ARRDC1: variants seen among roughly 807,000 people sequenced by gnomAD.
ARRDC1 encodes arrestin domain containing 1.
ARRDC1 carries 37 observed loss-of-function variants against 40.1 expected under a neutral mutation model. That is an observed-to-expected ratio of 0.92 (90% CI 0.71 to 1.21). The LOEUF is 1.21. Ranked by LOEUF, ARRDC1 falls within the 50% of genes most tolerant of loss-of-function variation. The pLI is 0.00. For missense variants in ARRDC1, 641 were observed against 581.9 expected, an observed-to-expected ratio of 1.10 and a Z score of -1.04; for synonymous variants, 310 against 262.5, an observed-to-expected ratio of 1.18 and a Z score of -1.75.
At chr9:137,610,104 C>T (rs1564499842) in intron 1 of ARRDC1, among the ~76,000 whole-genome samples, 1 of 152,146 alleles carries the variant, frequency 6.6e-6, no homozygotes, top group Non-Finnish European at 1.5e-5. Flanking sequence ...TGAGCCACTG[C>T]GCCCGGCCGG....
chr9:137,614,252 G>A lies in ARRDC1; in HGVS notation c.618+38G>A. ...GCCAGTTGCCTGGACCGGCCTCCTG[G>A]GGTGGGCTGGCAGCCTGCGCAGGCT... On this transcript the variant is annotated intron_variant, in intron 5 of 7. Coordinates refer to ENST00000371421, the MANE Select transcript of ARRDC1 (RefSeq NM_152285.4). 2 of 1,577,942 alleles carry A rather than the reference G, an allele frequency of 1.3e-6. No individual in the cohort carries two copies. Among genetic ancestry groups the A allele is most frequent in the Non-Finnish European group, 1.7e-6 (2 of 1,159,150 alleles).
At position 137,614,161 on chromosome 9, in the gene ARRDC1, G is replaced by A. The variant is rs368553334; in HGVS notation, c.565G>A (p.Val189Ile). 37 of 1,612,158 alleles carry A rather than the reference G, an allele frequency of 2.3e-5. 1 individual carries two copies. The highest frequency in any genetic ancestry group is 5.3e-5 in the African/African-American group (4 of 75,034). The change falls in exon 5 of 8, where the codon GTT (valine) becomes ATT (isoleucine). Residue 189 changes from valine to isoleucine, a missense_variant. Physicochemically the swap from Val to Ile is conservative, Grantham distance 29 (BLOSUM62 3). Transcript: ENST00000371421. ...GCAGGCACTGCAGCTGCATGCCGAC[G>A]TTGAGAACCAGTCAGGCAAGGACAC... Reference protein sequence around the residue: ...VGQALQLHADVENQSGKDTSP... With the variant: ...VGQALQLHADIENQSGKDTSP...
chr9:137,615,189 C>T lies in ARRDC1; in HGVS notation c.*51C>T, dbSNP rs372157985. The stretch of plus-strand genomic sequence containing the variant: ...CCTGGCCTCTGCCCTGGGACTGGGG[C>T]GCCCAGGGCCTCGTGCCTTCTCTCT... On this transcript the variant is annotated 3_prime_UTR_variant, in exon 8 of 8. Transcript: ENST00000371421. 12 of 1,455,190 alleles carry T rather than the reference C, an allele frequency of 8.2e-6. No individual in the cohort carries two copies. In the African/African-American group the frequency reaches 1.0e-4, roughly 12 times the overall value. 90.1% of individuals were successfully genotyped at this position (1,455,190 alleles called of 1,614,324 possible). A position where few individuals can be genotyped will look rare whatever the true frequency, so the allele number is the denominator to read the frequency against.
At position 137,613,454 on chromosome 9, in the gene ARRDC1, C is replaced by T. The variant is rs367605215; in HGVS notation, c.230-6C>T. ...ACTGCCCCCCACCTCCCTCCTGTCT[C>T]TGCAGGGAGCCTGCCCGCTGGAGAG... On this transcript the variant is annotated splice_polypyrimidine_tract_variant and splice_region_variant and intron_variant, in intron 2 of 7. Transcript: ENST00000371421. 6.2e-7 allele frequency: 1 copy of T among 1,611,000 alleles called. No individual in the cohort carries two copies. Among genetic ancestry groups the T allele is most frequent in the Non-Finnish European group, 8.5e-7 (1 of 1,179,632 alleles).
intron 1 of ARRDC1, among the ~76,000 whole-genome samples, chr9:137,607,699 G>A (rs2501564): frequency 0.013 from 1,955 of 152,310 alleles, 41 homozygotes; most frequent in African/African-American, 0.045. Flanking sequence ...ATACAGATTT[G>A]GAAACAGGAC....
In ARRDC1 at chr9:137,614,222, C is replaced by T. The variant is rs747209222; in HGVS notation, c.618+8C>T. ...GTGGCCAGTCTGCTGCAGGTCAGAG[C>T]CCCCGCCAGTTGCCTGGACCGGCCT... On this transcript the variant is annotated splice_region_variant and intron_variant, in intron 5 of 7. Coordinates refer to ENST00000371421, the MANE Select transcript of ARRDC1 (RefSeq NM_152285.4). 5.7e-6 allele frequency: 9 copies of T among 1,584,614 alleles called. No homozygotes were observed. Among genetic ancestry groups the T allele is most frequent in the Admixed American group, 1.7e-5 (1 of 58,338 alleles).
rs1588991806 is a variant in ARRDC1 at position 137,614,310 on chromosome 9, T to G, written c.630T>G (p.Tyr210Ter). Reference sequence around the variant, plus strand: ...TGGTCCTTCCCCAGAAAGTGTCCTATAAGGCCAAGCGCTGGATCCACGACG... The same window carrying G: ...TGGTCCTTCCCCAGAAAGTGTCCTAGAAGGCCAAGCGCTGGATCCACGACG... ...VVASLLQKVS[Y>*]KAKRWIHDVR... The change falls in exon 6 of 8, where the codon TAT becomes TAG. Residue 210 changes from tyrosine (Y) to a stop codon, truncating the protein, a stop_gained. Transcript: ENST00000371421. LOFTEE classifies it high-confidence loss of function. The G allele has an allele frequency of 6.3e-7, 1 of 1,599,554 alleles. No homozygotes were observed. Among genetic ancestry groups the G allele is most frequent in the East Asian group, 2.2e-5 (1 of 44,720 alleles).
chr9:137,608,315 G>A (rs1369524773), intron 1 of ARRDC1, among the ~76,000 whole-genome samples: 1 of 152,232 alleles, frequency 6.6e-6, no homozygotes, highest in East Asian at 1.9e-4. Context: ...GGGGGAGGAG[G>A]GACAGGGCTT....
chr9:137,605,763 G>C lies in ARRDC1; in HGVS notation c.46G>C (p.Val16Leu), dbSNP rs200306122. ...LFEISLSHGR[V>L]VYSPGEPLAG... ...CGAGATCAGCCTGAGCCACGGCCGC[G>C]TCGTCTACAGCCCCGGGGAGCCGTT... The change falls in exon 1 of 8, where the codon GTC becomes CTC. Residue 16 changes from valine to leucine, a missense_variant. By Grantham distance (32) the Val-to-Leu change is conservative. Coordinates refer to ENST00000371421, the MANE Select transcript of ARRDC1 (RefSeq NM_152285.4). 19 of 1,368,440 alleles carry C rather than the reference G, an allele frequency of 1.4e-5. No homozygotes were observed. The highest frequency in any genetic ancestry group is 1.8e-5 in the Non-Finnish European group (19 of 1,057,690). 84.8% of individuals were successfully genotyped at this position (1,368,440 alleles called of 1,614,324 possible). A position where few individuals can be genotyped will look rare whatever the true frequency, so the allele number is the denominator to read the frequency against.
rs769971358 is a variant in ARRDC1 at position 137,613,187 on chromosome 9, C to A, written c.229+181C>A. ...AGGCGCTGGGTGGCTGAAGGGGCCA[C>A]CTCCCCCTTGTGCTGGATTTGGGTG... On this transcript the variant is annotated intron_variant, in intron 2 of 7. Coordinates refer to ENST00000371421, the MANE Select transcript of ARRDC1 (RefSeq NM_152285.4). The A allele has an allele frequency of 1.5e-5, 11 of 746,418 alleles. No individual in the cohort carries two copies. The South Asian group carries it at 1.5e-4, about 10-fold the overall frequency. 46.2% of individuals were successfully genotyped at this position (746,418 alleles called of 1,614,324 possible).
chr9:137,609,818 G>A (rs935883746), intron 1 of ARRDC1, among the ~76,000 whole-genome samples: 5 of 152,272 alleles, frequency 3.3e-5, no homozygotes, highest in Middle Eastern at 3.4e-3. Flanking sequence ...GAGCCACTGC[G>A]CCCAGCTGTG....
At chr9:137,612,577 TG>T (rs1332727456) in intron 1 of ARRDC1, 1 of 319,692 alleles carries the variant, frequency 3.1e-6, no homozygotes, top group Non-Finnish European at 5.9e-6. Flanking sequence ...TTCGCAGGTC[TG>T]GCTGGGAGCC....
Position 137,614,229 on chromosome 9 carries a change from C to G in ARRDC1, c.618+15C>G. The G allele has an allele frequency of 6.3e-7, 1 of 1,582,744 alleles. No individual in the cohort carries two copies. The highest frequency in any genetic ancestry group is 8.6e-7 in the Non-Finnish European group (1 of 1,160,742). ...GTCTGCTGCAGGTCAGAGCCCCCGC[C>G]AGTTGCCTGGACCGGCCTCCTGGGG... On this transcript the variant is annotated intron_variant, in intron 5 of 7. Transcript: ENST00000371421.
chr9:137,610,083 G>T (rs781016821), intron 1 of ARRDC1, among the ~76,000 whole-genome samples: 7 of 152,148 alleles, frequency 4.6e-5, no homozygotes, highest in Admixed American at 1.3e-4. Context: ...CACAGTGCTG[G>T]GATTACAGGC....
Position 137,605,716 on chromosome 9 carries a change from G to T in ARRDC1, c.-2G>T, listed in dbSNP as rs1376843793. On this transcript the variant is annotated 5_prime_UTR_variant, in exon 1 of 8. Coordinates refer to ENST00000371421, the MANE Select transcript of ARRDC1 (RefSeq NM_152285.4). ...TGCGCGGCTGGCCGGTGAGGCCGCG[G>T]CATGGGGCGAGTGCAGCTCTTCGAG... 4 of 1,368,848 alleles carry T rather than the reference G, an allele frequency of 2.9e-6. No individual in the cohort carries two copies. The highest frequency in any genetic ancestry group is 2.8e-6 in the Non-Finnish European group (3 of 1,058,038). 84.8% of individuals were successfully genotyped at this position (1,368,848 alleles called of 1,614,324 possible).
At chr9:137,613,337 G>A (rs1842574702) in intron 2 of ARRDC1, 123 bp from the exon 3 acceptor site, 1 of 1,106,490 alleles carries the variant, frequency 9.0e-7, no homozygotes, top group African/African-American at 1.5e-5. Flanking sequence ...TGGCGCTGGT[G>A]ACTGAGACAG....
chr9:137,613,432 GC>G, intron 2 of ARRDC1, 27 bp from the exon 3 acceptor site: 1 of 1,605,192 alleles, frequency 6.2e-7, no homozygotes, highest in Admixed American at 1.7e-5. Flanking sequence ...GGGGGGGACT[GC>G]CCCCCACCTC....
At chr9:137,614,243 G>T in intron 5 of ARRDC1, 29 bp downstream of exon 5, 2 of 1,577,698 alleles carry the variant, frequency 1.3e-6, no homozygotes, top group Non-Finnish European at 1.7e-6. Flanking sequence ...TGCCTGGACC[G>T]GCCTCCTGGG....
At position 137,605,781 on chromosome 9, in the gene ARRDC1, GA is replaced by G; in HGVS notation, c.65del (p.Glu22GlyfsTer22). 1 of 1,346,654 alleles carries G rather than the reference GA, an allele frequency of 7.4e-7. No homozygotes were observed. The allele number at this position is 1,346,654 out of a possible 1,614,324, so 83.4% of individuals were successfully genotyped here. A position where few individuals can be genotyped will look rare whatever the true frequency, so the allele number is the denominator to read the frequency against. ...SHGRVVYSPG[E>X]PLAGTVRVRL... The stretch of plus-strand genomic sequence containing the variant: ...CGGCCGCGTCGTCTACAGCCCCGGG[GA>G]GCCGTTGGCTGGGACCGTGCGCGTG... On this transcript the variant is annotated frameshift_variant, in exon 1 of 8. Coordinates refer to ENST00000371421, the MANE Select transcript of ARRDC1 (RefSeq NM_152285.4). LOFTEE classifies it high-confidence loss of function.
Sources: allele counts gnomAD v4.1 joint callset (sites outside exome capture counted in the v4.1 genomes callset), GRCh38; gene constraint gnomAD v4.1.1; transcripts MANE v1.5; gene names NCBI Gene and HGNC (gene_info 2026-07-23, HGNC 2026-07-21).